Variants in GALNT17 observed in about 807,000 individuals in gnomAD.
GALNT17 encodes the protein UDP-GalNAc:polypeptide N-acetylgalactosaminyltransferase-like 3.
A neutral mutation model predicts 63.7 loss-of-function variants in GALNT17; 29 were observed. The observed-to-expected ratio is 0.46, with a 90% CI of 0.34 to 0.62. The LOEUF is 0.62. Ranked by LOEUF, GALNT17 falls within the 20% of genes least tolerant of loss-of-function variation. The pLI is 0.01. For missense variants in GALNT17, 603 were observed against 799.6 expected (o/e 0.75, Z 2.97); for synonymous variants, 305 against 318.3 (o/e 0.96, Z 0.45).
At chr7:71,185,828 A>G (rs1788840996) in intron 1 of GALNT17, among the ~76,000 whole-genome samples, 1 of 152,034 alleles carries the variant, frequency 6.6e-6, no homozygotes, top group Non-Finnish European at 1.5e-5. Context: ...ATTTTCTACA[A>G]CTCCATTTCC....
intron 1 of GALNT17, among the ~76,000 whole-genome samples, chr7:71,193,909 G>A (rs114981689): frequency 0.01 from 1,552 of 152,254 alleles, 25 homozygotes; most frequent in African/African-American, 0.033. Context: ...CTTTCGGGGC[G>A]TATTGACAAA....
intron 1 of GALNT17, among the ~76,000 whole-genome samples, chr7:71,185,571 G>A (rs1788835226): frequency 7.2e-6 from 1 of 138,724 alleles, no homozygotes; most frequent in South Asian, 2.3e-4. Flanking sequence ...CGCCCAGGCT[G>A]GAGTTGGCTC....
At chr7:71,262,039 G>A (rs948317185) in intron 1 of GALNT17, among the ~76,000 whole-genome samples, 1 of 152,110 alleles carries the variant, frequency 6.6e-6, no homozygotes, top group East Asian at 1.9e-4. Flanking sequence ...TGTTTCTGAC[G>A]CGTGATGATG....
chr7:71,326,176 G>A (rs1791701272), intron 1 of GALNT17, among the ~76,000 whole-genome samples: 1 of 152,172 alleles, frequency 6.6e-6, no homozygotes, highest in African/African-American at 2.4e-5. Flanking sequence ...AAAAGGCAGT[G>A]GATGGGTACA....
intron 5 of GALNT17, among the ~76,000 whole-genome samples, chr7:71,516,538 C>T (rs780071263): frequency 6.6e-5 from 10 of 152,266 alleles, no homozygotes; most frequent in Non-Finnish European, 1.0e-4. Context: ...TCTCCTGTCT[C>T]CTGGGTAGCT....
At chr7:71,291,579 T>C (rs979043089) in intron 1 of GALNT17, among the ~76,000 whole-genome samples, 2 of 152,224 alleles carry the variant, frequency 1.3e-5, no homozygotes, top group African/African-American at 4.8e-5. Flanking sequence ...GGACAGTTTT[T>C]ATTTGTTAAC....
chr7:71,560,634 G>GGTAA (rs1469370346), intron 5 of GALNT17, among the ~76,000 whole-genome samples: 2 of 152,210 alleles, frequency 1.3e-5, no homozygotes, highest in African/African-American at 4.8e-5. Flanking sequence ...TGCATGTGAT[G>GGTAA]GTAACGGAGC....
intron 2 of GALNT17, among the ~76,000 whole-genome samples, chr7:71,363,925 C>T (rs911604157): frequency 1.3e-5 from 2 of 152,166 alleles, no homozygotes; most frequent in African/African-American, 4.8e-5. Context: ...GTTTCCATAT[C>T]CAGTAAGGTT....
chr7:71,542,798 C>T (rs1248585218), intron 5 of GALNT17, among the ~76,000 whole-genome samples: 1 of 151,858 alleles, frequency 6.6e-6, no homozygotes, highest in Non-Finnish European at 1.5e-5. Flanking sequence ...TTCCTTGTCC[C>T]TTTGAGAATT....
chr7:71,702,746 C>T (rs10085521), intron 9 of GALNT17, among the ~76,000 whole-genome samples: 22,273 of 152,068 alleles, frequency 0.15, 1,902 homozygotes, highest in African/African-American at 0.22. Context: ...AGGAAGTTGG[C>T]TTAGAACAGG....
In GALNT17 at chr7:71,213,492, G is replaced by A. The variant is rs141519008; in HGVS notation, c.238+80452G>A. Among the ~76,000 whole-genome samples the A allele has an allele frequency of 4.7e-3, 711 of 152,122 alleles. 5 individuals are homozygous for A. The highest frequency in any genetic ancestry group is 0.014 in the Middle Eastern group (4 of 294). On this transcript the variant is annotated intron_variant, in intron 1 of 10. Transcript: ENST00000333538. Reference sequence around the variant, plus strand: ...TAGTGTTCTCTGGTTTGCAATTTTCGGTGTGCCTTTGACATTTTATGTTAA... The same window carrying A: ...TAGTGTTCTCTGGTTTGCAATTTTCAGTGTGCCTTTGACATTTTATGTTAA...
chr7:71,292,267 A>G (rs1363216067), intron 1 of GALNT17, among the ~76,000 whole-genome samples: 1 of 152,154 alleles, frequency 6.6e-6, no homozygotes, highest in East Asian at 1.9e-4. Context: ...GGCAAGTGAC[A>G]GAAAAACAAG....
intron 1 of GALNT17, among the ~76,000 whole-genome samples, chr7:71,282,061 T>C (rs1162093647): frequency 1.3e-5 from 2 of 152,192 alleles, no homozygotes; most frequent in East Asian, 3.9e-4. Context: ...GCCACCCCCT[T>C]GGGCTCCTGT....
intron 5 of GALNT17, among the ~76,000 whole-genome samples, chr7:71,535,156 ATGT>A (rs1165629868): frequency 1.3e-5 from 2 of 152,160 alleles, no homozygotes; most frequent in Admixed American, 1.3e-4. Flanking sequence ...GAGGACAAAA[ATGT>A]TGTGTTTTAA....
intron 6 of GALNT17, among the ~76,000 whole-genome samples, chr7:71,612,003 C>A (rs1790132539): frequency 5.3e-5 from 8 of 152,146 alleles, no homozygotes. Flanking sequence ...CAAGTTGGTG[C>A]CATCTCTTGG....
Position 71,660,057 on chromosome 7 carries a change from A to G in GALNT17, c.1081-5354A>G, listed in dbSNP as rs534489337. ...ATTAATGCATTTCCCTTGCTAGATT[A>G]TCCACTTCATGACAGCAAGGACCTT... On this transcript the variant is annotated intron_variant, in intron 6 of 10. Coordinates refer to ENST00000333538, the MANE Select transcript of GALNT17 (RefSeq NM_022479.3). Among the ~76,000 whole-genome samples the G allele has an allele frequency of 5.9e-5, 9 of 152,250 alleles. No individual in the cohort carries two copies. The East Asian group carries it at 7.7e-4, about 13-fold the overall frequency.
intron 1 of GALNT17, among the ~76,000 whole-genome samples, chr7:71,259,787 G>A (rs1790353505): frequency 6.6e-6 from 1 of 151,778 alleles, no homozygotes; most frequent in Admixed American, 6.6e-5. Flanking sequence ...GACTACAGGT[G>A]CCCACCACCA....
At chr7:71,507,617 A>G (rs1287647323) in intron 5 of GALNT17, among the ~76,000 whole-genome samples, 1 of 152,212 alleles carries the variant, frequency 6.6e-6, no homozygotes, top group African/African-American at 2.4e-5. Context: ...GCCTGTGTCT[A>G]TAGACGCCAC....
chr7:71,451,419 G>A (rs530923186), intron 5 of GALNT17, among the ~76,000 whole-genome samples: 1 of 152,176 alleles, frequency 6.6e-6, no homozygotes, highest in Admixed American at 6.5e-5. Flanking sequence ...GCTTCTATAT[G>A]TTTTTGGTAA....
Sources: allele counts gnomAD v4.1 joint callset (sites outside exome capture counted in the v4.1 genomes callset), GRCh38; gene constraint gnomAD v4.1.1; transcripts MANE v1.5; gene names NCBI Gene and HGNC (gene_info 2026-07-23, HGNC 2026-07-21).